Variants in UTS2B observed in about 807,000 individuals in gnomAD.
UTS2B encodes urotensin 2B, also known as urotensin-2B.
A neutral mutation model predicts 19.2 loss-of-function variants in UTS2B; 21 were observed. The ratio of observed to expected loss-of-function variants is 1.09; its 90% CI spans 0.78 to 1.58. UTS2B has a LOEUF of 1.58. Among genes scored for constraint, UTS2B ranks in the 40% most tolerant of loss-of-function variants. The pLI is 0.00. For synonymous variants in UTS2B, 57 were observed against 50.2 expected (o/e 1.14, Z -0.58); for missense variants, 138 against 130.3 (o/e 1.06, Z -0.29).
chr3:191,270,147 C>T (rs1716047369), intron 8 of UTS2B, among the ~76,000 whole-genome samples: 1 of 152,182 alleles, frequency 6.6e-6, no homozygotes, highest in Non-Finnish European at 1.5e-5. Flanking sequence ...CTATTTCATC[C>T]TCATATATTG....
chr3:191,317,718 A>G (rs1460526117), intron 2 of UTS2B, among the ~76,000 whole-genome samples: 2 of 152,062 alleles, frequency 1.3e-5, no homozygotes, highest in African/African-American at 4.8e-5. Flanking sequence ...AGCTGGGCCT[A>G]CAGGCATGCA....
chr3:191,314,213 C>T (rs941363792), intron 3 of UTS2B, among the ~76,000 whole-genome samples: 1 of 152,174 alleles, frequency 6.6e-6, no homozygotes, highest in African/African-American at 2.4e-5. Flanking sequence ...TCTGTAGATG[C>T]TACTTTCTGT....
chr3:191,318,882 G>C (rs1386991603), intron 2 of UTS2B, among the ~76,000 whole-genome samples: 1 of 152,004 alleles, frequency 6.6e-6, no homozygotes, highest in Non-Finnish European at 1.5e-5. Flanking sequence ...CATGATCTTA[G>C]TAATATTTGT....
chr3:191,345,699 G>A, the UTS2B span, among the ~76,000 whole-genome samples: 26 of 152,002 alleles, frequency 1.7e-4, no homozygotes, highest in African/African-American at 5.3e-4. Flanking sequence ...AGTGGTTTAG[G>A]TTACCGGGGT....
Position 191,267,195 on chromosome 3 carries a change from T to C in UTS2B, c.*1221A>G, listed in dbSNP as rs1027825339. 1 of 152,168 alleles carries C rather than the reference T, an allele frequency of 6.6e-6. No individual in the cohort carries two copies. The highest frequency in any genetic ancestry group is 1.9e-4 in the East Asian group (1 of 5,194). The allele number at this position is 152,168 out of a possible 1,614,324, so 9.4% of individuals were successfully genotyped here. On this transcript the variant is annotated 3_prime_UTR_variant, in exon 9 of 9. Transcript: ENST00000340524. ...CTTTTCAAAATGTTTTAATTAATAG[T>C]TCAACAGCATAGTCACAACAGGACA...
rs1716173032 is a variant in UTS2B, at chr3:191,274,370, T to C, written c.334+882A>G. 2.0e-5 allele frequency among the ~76,000 whole-genome samples: 3 copies of C among 152,228 alleles called. No individual in the cohort carries two copies. The South Asian group carries it at 6.2e-4, about 32-fold the overall frequency. On this transcript the variant is annotated intron_variant, in intron 8 of 8. Coordinates refer to ENST00000340524, the MANE Select transcript of UTS2B (RefSeq NM_198152.5). ...AGTACTTACTACATACTAGGAATTA[T>C]TTTAAATTAAATTAACTCATGTACT...
At chr3:191,291,752 T>G (rs1356689064) in intron 4 of UTS2B, among the ~76,000 whole-genome samples, 1 of 152,098 alleles carries the variant, frequency 6.6e-6, no homozygotes, top group Admixed American at 6.5e-5. Context: ...GCGCCCGGCC[T>G]GATCTACTTT....
At chr3:191,332,471 T>C (rs1718023974), upstream of UTS2B, among the ~76,000 whole-genome samples, 2 of 152,346 alleles carry the variant, frequency 1.3e-5, no homozygotes, top group South Asian at 4.1e-4. Context: ...CTTTTTGTAA[T>C]GGAAAACGCT....
chr3:191,315,903 A>G (rs1717434259), intron 3 of UTS2B, 133 bp downstream of exon 3: 1 of 152,266 alleles, frequency 6.6e-6, no homozygotes, highest in Non-Finnish European at 1.5e-5. Context: ...TTACATATAT[A>G]ATTGAAACAT....
intron 4 of UTS2B, among the ~76,000 whole-genome samples, chr3:191,296,550 A>G (rs928542029): frequency 5.3e-5 from 8 of 152,360 alleles, no homozygotes; most frequent in Admixed American, 2.0e-4. Flanking sequence ...TATCTCCAGT[A>G]ACCACAATTC....
At chr3:191,283,894 T>G (rs140507511) in intron 4 of UTS2B, among the ~76,000 whole-genome samples, 1 of 152,294 alleles carries the variant, frequency 6.6e-6, no homozygotes, top group African/African-American at 2.4e-5. Context: ...TCCTTATTTA[T>G]TTAATAAGTT....
chr3:191,297,793 C>A (rs1387303053), intron 4 of UTS2B, among the ~76,000 whole-genome samples: 1 of 152,106 alleles, frequency 6.6e-6, no homozygotes, highest in East Asian at 1.9e-4. Flanking sequence ...CATCGATTAT[C>A]CTAACTGAAA....
chr3:191,311,313 C>T (rs1717296146), intron 3 of UTS2B, among the ~76,000 whole-genome samples: 1 of 152,246 alleles, frequency 6.6e-6, no homozygotes, highest in Non-Finnish European at 1.5e-5. Flanking sequence ...GATATACTTG[C>T]ATGTATCTAG....
intron 7 of UTS2B, among the ~76,000 whole-genome samples, chr3:191,276,590 A>T (rs1451397798): frequency 6.6e-6 from 1 of 152,218 alleles, no homozygotes; most frequent in Non-Finnish European, 1.5e-5. Context: ...ATTTCTAGAC[A>T]TTATAAAGAA....
upstream of UTS2B, among the ~76,000 whole-genome samples, chr3:191,332,013 G>A (rs1028016089): frequency 1.3e-5 from 2 of 152,114 alleles, no homozygotes; most frequent in Non-Finnish European, 2.9e-5. Flanking sequence ...AGATATATAT[G>A]CAGTTACAAT....
intron 4 of UTS2B, among the ~76,000 whole-genome samples, chr3:191,286,257 A>G (rs1466405523): frequency 6.6e-6 from 1 of 152,220 alleles, no homozygotes; most frequent in South Asian, 2.1e-4. Context: ...CATGAGACTT[A>G]AAGGAAACTT....
chr3:191,279,709 C>T (rs1245804795), intron 5 of UTS2B, among the ~76,000 whole-genome samples: 1 of 151,918 alleles, frequency 6.6e-6, no homozygotes, highest in East Asian at 1.9e-4. Flanking sequence ...ATTATACCTC[C>T]ATAACTCTTT....
At chr3:191,270,056 C>T (rs1225361707) in intron 8 of UTS2B, among the ~76,000 whole-genome samples, 2 of 152,166 alleles carry the variant, frequency 1.3e-5, no homozygotes, top group East Asian at 3.9e-4. Context: ...TGTCTATCAA[C>T]AATATATTAA....
the UTS2B span, among the ~76,000 whole-genome samples, chr3:191,342,386 T>C: frequency 6.6e-6 from 1 of 152,166 alleles, no homozygotes; most frequent in East Asian, 1.9e-4. Flanking sequence ...CTACTCCTAA[T>C]AGGAAGGAAA....
Sources: gnomAD v4.1 joint callset for allele counts (sites outside exome capture counted in the v4.1 genomes callset) on GRCh38, gnomAD v4.1.1 for gene constraint, MANE v1.5 for transcripts, NCBI Gene and HGNC (gene_info 2026-07-23, HGNC 2026-07-21) for gene names.